Variants in AGBL1 observed in about 807,000 individuals in gnomAD.
AGBL1 encodes the protein cytosolic carboxypeptidase 4.
In AGBL1, 130 loss-of-function variants were observed where a neutral mutation model predicts 118.9. That is an observed-to-expected ratio of 1.09 (90% CI 0.95 to 1.26). The LOEUF (loss-of-function observed/expected upper bound fraction) is 1.26, where lower values mean the gene tolerates loss of function less well. Ranked by LOEUF, AGBL1 falls within the 50% of genes most tolerant of loss-of-function variation. The probability of loss-of-function intolerance (pLI) is 0.00; values close to 1 mark genes in which losing one functional copy is unlikely to be tolerated. For synonymous variants in AGBL1, 555 were observed against 478.9 expected (o/e 1.16, Z -2.08); for missense variants, 1,584 against 1,298.1 (o/e 1.22, Z -3.38).
At chr15:86,681,957 G>A (rs890578372) in intron 22 of AGBL1, among the ~76,000 whole-genome samples, 2 of 152,302 alleles carry the variant, frequency 1.3e-5, no homozygotes, top group African/African-American at 2.4e-5. Context: ...ACAGTAAAGC[G>A]AAGGATGGAG....
intron 22 of AGBL1, among the ~76,000 whole-genome samples, chr15:86,678,872 G>T (rs1255051599): frequency 6.6e-6 from 1 of 151,950 alleles, no homozygotes; most frequent in Non-Finnish European, 1.5e-5. Flanking sequence ...TCACGGATTA[G>T]TAATGCCGGT....
In AGBL1 at chr15:86,247,893, G is replaced by C. The variant is rs1190101248; in HGVS notation, c.735+14G>C. 1 of 1,613,444 alleles carries C rather than the reference G, an allele frequency of 6.2e-7. No individual in the cohort carries two copies. The highest frequency in any genetic ancestry group is 8.5e-7 in the Non-Finnish European group (1 of 1,179,694). On this transcript the variant is annotated intron_variant, in intron 7 of 22. Transcript: ENST00000614907. ...AGCACCACACAGGCAGGCAGCATGGGGATTCACTCTGCAGCTGGAGGCCAG... is the reference window on the plus strand; with the variant it reads ...AGCACCACACAGGCAGGCAGCATGGCGATTCACTCTGCAGCTGGAGGCCAG...
At chr15:86,722,445 G>A (rs866224687) in intron 22 of AGBL1, among the ~76,000 whole-genome samples, 81 of 152,280 alleles carry the variant, frequency 5.3e-4, no homozygotes, top group African/African-American at 1.7e-3. Flanking sequence ...GGGAAAACTG[G>A]CTAGCCATCT....
chr15:86,203,532 A>G (rs985056695), intron 5 of AGBL1, among the ~76,000 whole-genome samples: 1 of 152,184 alleles, frequency 6.6e-6, no homozygotes, highest in Admixed American at 6.5e-5. Flanking sequence ...AGTTGGATAG[A>G]ATTTTGACTC....
intron 23 of AGBL1, among the ~76,000 whole-genome samples, chr15:86,959,204 T>C (rs964868474): frequency 6.6e-6 from 1 of 152,166 alleles, no homozygotes; most frequent in African/African-American, 2.4e-5. Context: ...AATAATCTTA[T>C]TGCTCTCTGT....
At chr15:86,721,453 T>C (rs1222293647) in intron 22 of AGBL1, among the ~76,000 whole-genome samples, 1 of 152,158 alleles carries the variant, frequency 6.6e-6, no homozygotes, top group Non-Finnish European at 1.5e-5. Context: ...TCAACAACGC[T>C]TCATGCTAAA....
At chr15:86,819,166 G>A (rs1043409597) in intron 22 of AGBL1, among the ~76,000 whole-genome samples, 2 of 151,992 alleles carry the variant, frequency 1.3e-5, no homozygotes, top group Non-Finnish European at 2.9e-5. Context: ...ACACTGAAGG[G>A]TATTTGTTTG....
chr15:86,410,366 A>G (rs2081590530), intron 18 of AGBL1, among the ~76,000 whole-genome samples: 2 of 152,136 alleles, frequency 1.3e-5, no homozygotes, highest in Non-Finnish European at 2.9e-5. Context: ...TGTTTTCATC[A>G]GTGATGATTG....
rs1320360182 is a variant in AGBL1, at chr15:86,556,579, G to A, written c.2994+2042G>A. 2.0e-5 allele frequency among the ~76,000 whole-genome samples: 3 copies of A among 152,332 alleles called. No homozygotes were observed. In the East Asian group the frequency reaches 5.8e-4, roughly 29 times the overall value. ...ACATATGGGGGGGCCCACCCCATGGGAAGGAAGCCAGCCTGGAGTTGGGTG... is the reference window on the plus strand; with the variant it reads ...ACATATGGGGGGGCCCACCCCATGGAAAGGAAGCCAGCCTGGAGTTGGGTG... On this transcript the variant is annotated intron_variant, in intron 21 of 22. Transcript: ENST00000614907.
chr15:86,743,481 G>A (rs920059636), intron 22 of AGBL1, among the ~76,000 whole-genome samples: 8 of 152,078 alleles, frequency 5.3e-5, no homozygotes, highest in Non-Finnish European at 7.4e-5. Context: ...GCAAGAGAGC[G>A]TCCCCTGGTG....
At chr15:86,430,744 G>C (rs1321736858) in intron 18 of AGBL1, among the ~76,000 whole-genome samples, 1 of 152,128 alleles carries the variant, frequency 6.6e-6, no homozygotes. Context: ...GTGATAATTG[G>C]GGTTTTAGTG....
At chr15:86,368,288 GATAAAC>G (rs920681150) in intron 17 of AGBL1, among the ~76,000 whole-genome samples, 3 of 151,706 alleles carry the variant, frequency 2.0e-5, no homozygotes, top group Middle Eastern at 3.2e-3. Flanking sequence ...GAGGGAGAGA[GATAAAC>G]ATAAACAACA....
chr15:86,639,058 T>C (rs2085150441), intron 21 of AGBL1, among the ~76,000 whole-genome samples: 1 of 152,178 alleles, frequency 6.6e-6, no homozygotes, highest in South Asian at 2.1e-4. Flanking sequence ...ACTTCATCCA[T>C]CTAGGCAAGC....
At chr15:86,422,456 A>T (rs1159665675) in intron 18 of AGBL1, among the ~76,000 whole-genome samples, 1 of 152,234 alleles carries the variant, frequency 6.6e-6, no homozygotes, top group Non-Finnish European at 1.5e-5. Context: ...CAGCGTTTAG[A>T]GGGAAATTTA....
At chr15:86,645,107 A>G (rs1002807522) in intron 21 of AGBL1, among the ~76,000 whole-genome samples, 2 of 152,186 alleles carry the variant, frequency 1.3e-5, no homozygotes, top group Non-Finnish European at 2.9e-5. Context: ...AAAAAATTGA[A>G]TATCAACATG....
intron 22 of AGBL1, among the ~76,000 whole-genome samples, chr15:86,804,498 A>G (rs2078691742): frequency 6.6e-6 from 1 of 152,190 alleles, no homozygotes. Flanking sequence ...CAAATCAAAA[A>G]TAATAACAAC....
At chr15:86,663,408 T>C (rs1245199234) in intron 21 of AGBL1, among the ~76,000 whole-genome samples, 1 of 152,128 alleles carries the variant, frequency 6.6e-6, no homozygotes, top group African/African-American at 2.4e-5. Context: ...CAAAATTAGG[T>C]CTGAGAGAAA....
chr15:86,346,619 G>C (rs1489780340), intron 17 of AGBL1, among the ~76,000 whole-genome samples: 1 of 152,148 alleles, frequency 6.6e-6, no homozygotes, highest in Non-Finnish European at 1.5e-5. Flanking sequence ...AAAGTGCTGG[G>C]ATTACAGGTG....
At chr15:86,920,171 C>T (rs2080470033), downstream of AGBL1, among the ~76,000 whole-genome samples, 1 of 152,172 alleles carries the variant, frequency 6.6e-6, no homozygotes, top group Admixed American at 6.5e-5. Flanking sequence ...AAAGAATCTG[C>T]TTCCAAGCTC....
Sources: gnomAD v4.1 joint callset for allele counts (sites outside exome capture counted in the v4.1 genomes callset) on GRCh38, gnomAD v4.1.1 for gene constraint, MANE v1.5 for transcripts, NCBI Gene and HGNC (gene_info 2026-07-23, HGNC 2026-07-21) for gene names.